Variants in PLEKHD1 observed in about 807,000 individuals in gnomAD.
PLEKHD1 encodes the protein pleckstrin homology domain-containing family D member 1.
In PLEKHD1, 51 loss-of-function variants were observed where a neutral mutation model predicts 69.2. That is an observed-to-expected ratio of 0.74 (90% CI 0.59 to 0.93). The LOEUF (loss-of-function observed/expected upper bound fraction) is 0.93. Among genes scored for constraint, PLEKHD1 ranks in the 40% least tolerant of loss-of-function variants. The probability of loss-of-function intolerance (pLI) is 0.00; values close to 1 mark genes in which losing one functional copy is unlikely to be tolerated. For missense variants in PLEKHD1, 584 were observed against 641.0 expected (o/e 0.91, Z 0.96); for synonymous variants, 236 against 244.7 (o/e 0.96, Z 0.33).
At chr14:69,503,912 G>A (rs1025695637) in intron 6 of PLEKHD1, among the ~76,000 whole-genome samples, 1 of 149,950 alleles carries the variant, frequency 6.7e-6, no homozygotes, top group Non-Finnish European at 1.5e-5. Flanking sequence ...ACTGGGCCTT[G>A]CCTGTTCTGA....
chr14:69,504,173 T>C (rs534389041), intron 6 of PLEKHD1, among the ~76,000 whole-genome samples: 1 of 152,356 alleles, frequency 6.6e-6, no homozygotes, highest in African/African-American at 2.4e-5. Flanking sequence ...GCTTAACGAA[T>C]ATCTGTGTTT....
chr14:69,488,779 A>G (rs1594972532), intron 1 of PLEKHD1, among the ~76,000 whole-genome samples: 1 of 152,222 alleles, frequency 6.6e-6, no homozygotes, highest in East Asian at 1.9e-4. Flanking sequence ...TGAAGATTTC[A>G]TAGTGTTTTT....
intron 7 of PLEKHD1, 125 bp from the exon 8 acceptor site, chr14:69,524,104 C>A: frequency 1.4e-6 from 1 of 722,264 alleles, no homozygotes; most frequent in Non-Finnish European, 2.4e-6. Flanking sequence ...TGCAGAGGGG[C>A]TGGCCATTCA....
chr14:69,522,466 T>A, intron 7 of PLEKHD1, 89 bp downstream of exon 7: 1 of 1,323,816 alleles, frequency 7.6e-7, no homozygotes, highest in Non-Finnish European at 1.0e-6. Flanking sequence ...GGCCTCCACC[T>A]CAGAGATGCT....
intron 1 of PLEKHD1, 94 bp from the exon 2 acceptor site, chr14:69,500,021 T>A (rs1432617120): frequency 2.5e-6 from 2 of 812,770 alleles, no homozygotes; most frequent in Non-Finnish European, 4.0e-6. Flanking sequence ...TGGGCTCCCA[T>A]GTGAGTCCAG....
At chr14:69,485,245 T>A in intron 1 of PLEKHD1, 131 bp downstream of exon 1, 1 of 1,087,570 alleles carries the variant, frequency 9.2e-7, no homozygotes, top group Non-Finnish European at 1.3e-6. Context: ...CTTTTCACTC[T>A]ACACTGGCTC....
At chr14:69,482,346 A>G (rs531972853), upstream of PLEKHD1, among the ~76,000 whole-genome samples, 1 of 152,312 alleles carries the variant, frequency 6.6e-6, no homozygotes, top group Admixed American at 6.5e-5. Flanking sequence ...ACTAGTCCTC[A>G]TCACCAGCAG....
intron 6 of PLEKHD1, among the ~76,000 whole-genome samples, chr14:69,513,012 C>A (rs973040042): frequency 2.0e-5 from 3 of 151,978 alleles, no homozygotes; most frequent in Admixed American, 1.3e-4. Context: ...ATTACTTGAA[C>A]CCAGGAGTTA....
chr14:69,501,804 A>T lies in PLEKHD1; in HGVS notation c.481A>T (p.Lys161Ter), dbSNP rs1883032091. The change falls in exon 5 of 13, where the codon AAG (lysine) becomes TAG (stop). Residue 161 changes from lysine (K) to a stop codon, truncating the protein, a stop_gained. Coordinates refer to ENST00000322564, the MANE Select transcript of PLEKHD1 (RefSeq NM_001161498.2). LOFTEE classifies it high-confidence loss of function. ...SLEAQGLQLAKEKQEYLDKLM... is the reference protein window; with the variant it reads ...SLEAQGLQLA Reference sequence around the variant, plus strand: ...GGAGGCCCAGGGGCTGCAGTTGGCTAAGGAAAAGCAGGAGTATTTAGGTTG... The same window carrying T: ...GGAGGCCCAGGGGCTGCAGTTGGCTTAGGAAAAGCAGGAGTATTTAGGTTG... 1 of 1,551,148 alleles carries T rather than the reference A, an allele frequency of 6.4e-7. No individual in the cohort carries two copies. Among genetic ancestry groups the T allele is most frequent in the African/African-American group, 1.4e-5 (1 of 73,030 alleles).
At chr14:69,482,030 AG>A (rs946160715), upstream of PLEKHD1, among the ~76,000 whole-genome samples, 10 of 152,212 alleles carry the variant, frequency 6.6e-5, no homozygotes, top group African/African-American at 2.4e-4. Context: ...TGGTTAGTCA[AG>A]GGGAACAGAA....
At chr14:69,481,314 C>A (rs1413017659), upstream of PLEKHD1, among the ~76,000 whole-genome samples, 1 of 152,164 alleles carries the variant, frequency 6.6e-6, no homozygotes, top group African/African-American at 2.4e-5. Context: ...GAGTGATACC[C>A]TGTCTCTAAC....
chr14:69,518,153 C>G (rs936456634), intron 6 of PLEKHD1, among the ~76,000 whole-genome samples: 1 of 151,964 alleles, frequency 6.6e-6, no homozygotes, highest in Non-Finnish European at 1.5e-5. Context: ...TGCCTCAGCC[C>G]CTCAAGTAGC....
At chr14:69,515,987 G>T (rs905921629) in intron 6 of PLEKHD1, among the ~76,000 whole-genome samples, 3 of 152,216 alleles carry the variant, frequency 2.0e-5, no homozygotes, top group African/African-American at 7.2e-5. Context: ...AAGACTTGCT[G>T]ATTTTTCAGT....
At chr14:69,470,330 G>T in the PLEKHD1 span, among the ~76,000 whole-genome samples, 1 of 151,764 alleles carries the variant, frequency 6.6e-6, no homozygotes, top group African/African-American at 2.4e-5. Flanking sequence ...AGGCGTAGTG[G>T]TGCACACTTG....
In PLEKHD1 at chr14:69,492,030, T is replaced by G. The variant is rs530436977; in HGVS notation, c.149+6916T>G. On this transcript the variant is annotated intron_variant, in intron 1 of 12. Coordinates refer to ENST00000322564, the MANE Select transcript of PLEKHD1 (RefSeq NM_001161498.2). Reference sequence around the variant, plus strand: ...CCTTATAAGTGCCCTGTTTGAAACTTGCTGGCAGCTCCCCTTGTCTGCAGG... The same window carrying G: ...CCTTATAAGTGCCCTGTTTGAAACTGGCTGGCAGCTCCCCTTGTCTGCAGG... 2.0e-4 allele frequency among the ~76,000 whole-genome samples: 31 copies of G among 152,294 alleles called. No homozygotes were observed. In the East Asian group the frequency reaches 5.8e-3, roughly 28 times the overall value.
intron 4 of PLEKHD1, 58 bp from the exon 5 acceptor site, chr14:69,501,676 T>C (rs1594979928): frequency 7.5e-7 from 1 of 1,337,190 alleles, no homozygotes; most frequent in Non-Finnish European, 1.0e-6. Context: ...CCTTCTGTTT[T>C]AATGATTTTC....
At chr14:69,482,488 G>T (rs1256653593), upstream of PLEKHD1, among the ~76,000 whole-genome samples, 3 of 152,198 alleles carry the variant, frequency 2.0e-5, no homozygotes, top group East Asian at 1.9e-4. Flanking sequence ...AGAAGCTGTT[G>T]GATGAGAATG....
At chr14:69,485,599 T>C (rs567188799) in intron 1 of PLEKHD1, among the ~76,000 whole-genome samples, 3 of 152,240 alleles carry the variant, frequency 2.0e-5, no homozygotes, top group Non-Finnish European at 4.4e-5. Context: ...CTGGCCCTTC[T>C]GAAAGGCTCA....
At chr14:69,497,444 T>C (rs2139501656) in intron 1 of PLEKHD1, among the ~76,000 whole-genome samples, 1 of 152,354 alleles carries the variant, frequency 6.6e-6, no homozygotes, top group Non-Finnish European at 1.5e-5. Context: ...ATACATGGGA[T>C]GTGGCAGTGG....
Sources: gnomAD v4.1 joint callset for allele counts (sites outside exome capture counted in the v4.1 genomes callset) on GRCh38, gnomAD v4.1.1 for gene constraint, MANE v1.5 for transcripts, NCBI Gene and HGNC (gene_info 2026-07-23, HGNC 2026-07-21) for gene names.